CHCHD3: variants seen among roughly 807,000 people sequenced by gnomAD.
The protein encoded by CHCHD3 is coiled-coil-helix-coiled-coil-helix domain containing 3.
Under a neutral mutation model 38.2 loss-of-function variants are expected in CHCHD3, and 20 were observed. The observed-to-expected ratio is 0.52, with a 90% CI of 0.37 to 0.76. CHCHD3 has a LOEUF of 0.76. Ranked by LOEUF, CHCHD3 falls within the 30% of genes least tolerant of loss-of-function variation. The pLI is 0.00. For synonymous variants in CHCHD3, 82 were observed against 100.0 expected, an observed-to-expected ratio of 0.82 and a Z score of 1.07; for missense variants, 245 against 279.2, an observed-to-expected ratio of 0.88 and a Z score of 0.87.
intron 2 of CHCHD3, among the ~76,000 whole-genome samples, chr7:133,053,219 C>T (rs920066459): frequency 6.6e-6 from 1 of 152,246 alleles, no homozygotes; most frequent in Non-Finnish European, 1.5e-5. Flanking sequence ...AGGCCAGGCT[C>T]AGTCACGTCA....
intron 2 of CHCHD3, among the ~76,000 whole-genome samples, chr7:133,037,400 A>T (rs181642415): frequency 1.3e-5 from 2 of 152,320 alleles, no homozygotes; most frequent in Admixed American, 1.3e-4. Context: ...ACATGCTTTA[A>T]ACCCCACGAA....
At chr7:133,015,871 G>A (rs1376218371) in intron 3 of CHCHD3, among the ~76,000 whole-genome samples, 1 of 152,164 alleles carries the variant, frequency 6.6e-6, no homozygotes, top group Admixed American at 6.5e-5. Flanking sequence ...GGAGGCCTCA[G>A]GAAACTTTCA....
intron 2 of CHCHD3, among the ~76,000 whole-genome samples, chr7:133,051,392 A>G (rs1814158676): frequency 6.6e-6 from 1 of 152,130 alleles, no homozygotes; most frequent in Non-Finnish European, 1.5e-5. Flanking sequence ...ATTTAGACCT[A>G]CCAACCTTGA....
intron 2 of CHCHD3, among the ~76,000 whole-genome samples, chr7:133,050,340 T>TAAAAAAA (rs35635002): frequency 3.1e-5 from 1 of 31,844 alleles, no homozygotes; most frequent in Non-Finnish European, 6.3e-5. Flanking sequence ...GGCTGTGTCT[T>TAAAAAAA]AAAAAAAAAA....
At chr7:132,787,816 A>C in intron 7 of CHCHD3, among the ~76,000 whole-genome samples, 1 of 152,226 alleles carries the variant, frequency 6.6e-6, no homozygotes, top group East Asian at 1.9e-4. Flanking sequence ...ATAAAGGCAG[A>C]CAAACTTAGA....
In CHCHD3 at chr7:132,984,283, T is replaced by C. The variant is rs1488333841; in HGVS notation, c.252-8997A>G. 2.1e-3 allele frequency among the ~76,000 whole-genome samples: 318 copies of C among 151,842 alleles called. 1 individual carries two copies. Among genetic ancestry groups the C allele is most frequent in the African/African-American group, 7.4e-3 (307 of 41,512 alleles). On this transcript the variant is annotated intron_variant, in intron 3 of 7. Coordinates refer to ENST00000262570, the MANE Select transcript of CHCHD3 (RefSeq NM_017812.4). ...TTTCGCTGTGTTGGCCGGGCTGGTC[T>C]CCAGCTCCTAACCGCGAGTGATCCG...
intron 3 of CHCHD3, among the ~76,000 whole-genome samples, chr7:132,987,530 G>A (rs534843905): frequency 2.0e-5 from 3 of 152,288 alleles, no homozygotes; most frequent in East Asian, 3.9e-4. Flanking sequence ...GAAGATGGAC[G>A]ACATTATGGT....
intron 2 of CHCHD3, among the ~76,000 whole-genome samples, chr7:133,055,616 T>C (rs544201797): frequency 9.1e-4 from 135 of 148,072 alleles, no homozygotes; most frequent in African/African-American, 3.2e-3. Flanking sequence ...TAATTAATTA[T>C]AACATGTGTT....
intron 4 of CHCHD3, among the ~76,000 whole-genome samples, chr7:132,951,867 A>C (rs1250281692): frequency 1.3e-5 from 2 of 152,210 alleles, no homozygotes; most frequent in Non-Finnish European, 2.9e-5. Flanking sequence ...GCTAAACATC[A>C]CAAGCTCATT....
intron 2 of CHCHD3, among the ~76,000 whole-genome samples, chr7:133,054,602 C>G (rs1372911576): frequency 6.6e-6 from 1 of 151,914 alleles, no homozygotes; most frequent in African/African-American, 2.4e-5. Flanking sequence ...TAAAATTTAC[C>G]CATTTAAAGT....
At chr7:132,957,585 C>T (rs956146011) in intron 4 of CHCHD3, among the ~76,000 whole-genome samples, 4 of 152,120 alleles carry the variant, frequency 2.6e-5, no homozygotes, top group African/African-American at 9.7e-5. Flanking sequence ...TGAGTTCAAG[C>T]GATTCTCCTG....
At chr7:132,986,393 C>G (rs963055287) in intron 3 of CHCHD3, among the ~76,000 whole-genome samples, 9 of 69,596 alleles carry the variant, frequency 1.3e-4, no homozygotes, top group African/African-American at 4.9e-4. Flanking sequence ...CAAGAATGAT[C>G]AATAAAAAAA....
At chr7:132,950,783 T>C (rs1241585539) in intron 4 of CHCHD3, among the ~76,000 whole-genome samples, 1 of 152,238 alleles carries the variant, frequency 6.6e-6, no homozygotes, top group Non-Finnish European at 1.5e-5. Context: ...TTTCTTGATT[T>C]TATCAAAATT....
intron 4 of CHCHD3, among the ~76,000 whole-genome samples, chr7:132,914,010 A>G (rs1585632232): frequency 1.6e-5 from 2 of 123,888 alleles, no homozygotes; most frequent in African/African-American, 3.2e-5. Flanking sequence ...TCCAGGCTGG[A>G]GTGCAATGGC....
At chr7:132,791,850 T>G (rs944574076) in intron 7 of CHCHD3, among the ~76,000 whole-genome samples, 1 of 152,124 alleles carries the variant, frequency 6.6e-6, no homozygotes, top group African/African-American at 2.4e-5. Flanking sequence ...CTAGCCTCAT[T>G]TACTGGGTCC....
chr7:132,946,772 A>G (rs1810913416), intron 4 of CHCHD3, among the ~76,000 whole-genome samples: 1 of 151,908 alleles, frequency 6.6e-6, no homozygotes, highest in Non-Finnish European at 1.5e-5. Context: ...GTGATAGTTT[A>G]CCAAATGAAT....
intron 4 of CHCHD3, among the ~76,000 whole-genome samples, chr7:132,954,419 T>C (rs761243945): frequency 3.9e-5 from 6 of 152,046 alleles, no homozygotes; most frequent in Non-Finnish European, 7.4e-5. Flanking sequence ...GGCCTGACAG[T>C]TTAGGAGAAT....
chr7:133,034,336 T>C (rs1262405629), intron 2 of CHCHD3, among the ~76,000 whole-genome samples: 1 of 152,082 alleles, frequency 6.6e-6, no homozygotes, highest in African/African-American at 2.4e-5. Context: ...TAAGAAATAA[T>C]TTCTCTATAA....
chr7:132,948,393 T>A (rs990505692), intron 4 of CHCHD3, among the ~76,000 whole-genome samples: 4 of 151,672 alleles, frequency 2.6e-5, no homozygotes, highest in African/African-American at 9.7e-5. Context: ...GGTGGAAGAG[T>A]GAGGGACGGA....
Sources: gnomAD v4.1 joint callset for allele counts (sites outside exome capture counted in the v4.1 genomes callset) on GRCh38, gnomAD v4.1.1 for gene constraint, MANE v1.5 for transcripts, NCBI Gene and HGNC (gene_info 2026-07-23, HGNC 2026-07-21) for gene names.